PCDHGA12: variants seen among roughly 807,000 people sequenced by gnomAD.
The protein encoded by PCDHGA12 is protocadherin gamma-A12.
PCDHGA12 carries 43 observed loss-of-function variants against 61.1 expected under a neutral mutation model. The ratio of observed to expected loss-of-function variants is 0.70; its 90% CI spans 0.55 to 0.91. PCDHGA12 has a LOEUF of 0.91. Among genes scored for constraint, PCDHGA12 ranks in the 40% least tolerant of loss-of-function variants. The pLI is 0.00. For missense variants in PCDHGA12, 1,236 were observed against 1,227.7 expected (o/e 1.01, Z -0.10); for synonymous variants, 520 against 542.9 (o/e 0.96, Z 0.59).
rs748803155 is a variant in PCDHGA12, at chr5:141,490,087, G to C, written c.2425-4720G>C. ...CGGCCAACTAGACTATTCTTTTGGAGACCACACATCTGAGGCAGTGCGGAA... is the reference window on the plus strand; with the variant it reads ...CGGCCAACTAGACTATTCTTTTGGACACCACACATCTGAGGCAGTGCGGAA... On this transcript the variant is annotated intron_variant, in intron 1 of 3. Transcript: ENST00000252085. The surrounding 1 kb of genome is among the most constrained non-coding windows in gnomAD (Gnocchi z 5.4). 1.9e-6 allele frequency: 3 copies of C among 1,614,244 alleles called. No individual in the cohort carries two copies. Among genetic ancestry groups the C allele is most frequent in the Non-Finnish European group, 2.5e-6 (3 of 1,180,044 alleles).
At position 141,511,262 on chromosome 5, in the gene PCDHGA12, G is replaced by A; in HGVS notation, c.*89G>A. 1 of 1,556,036 alleles carries A rather than the reference G, an allele frequency of 6.4e-7. No individual in the cohort carries two copies. The highest frequency in any genetic ancestry group is 8.7e-7 in the Non-Finnish European group (1 of 1,150,444). On this transcript the variant is annotated 3_prime_UTR_variant, in exon 4 of 4. Transcript: ENST00000252085. ...TGCACCCAGGCCTCAGAGTTTCAGG[G>A]CTAACCCCCAGAATACTGGTAGGGG...
chr5:141,509,586 T>A (rs2154594569), intron 3 of PCDHGA12, among the ~76,000 whole-genome samples: 1 of 152,302 alleles, frequency 6.6e-6, no homozygotes, highest in East Asian at 1.9e-4. Flanking sequence ...ACAAATCAGC[T>A]GGCAATTCCG....
intron 1 of PCDHGA12, chr5:141,471,553 TG>T (rs1217142933): frequency 6.6e-6 from 1 of 152,224 alleles, no homozygotes; most frequent in African/African-American, 2.4e-5. Flanking sequence ...AAGGTTGCTT[TG>T]ACTCAGGGGT....
At chr5:141,507,797 C>A (rs933921827) in intron 3 of PCDHGA12, among the ~76,000 whole-genome samples, 1 of 152,240 alleles carries the variant, frequency 6.6e-6, no homozygotes, top group Admixed American at 6.5e-5. Context: ...TCTAAGCCTG[C>A]GCCCTGGGGA....
Position 141,485,804 on chromosome 5 carries a change from G to A in PCDHGA12, c.2425-9003G>A. 6.2e-7 allele frequency: 1 copy of A among 1,614,218 alleles called. No individual in the cohort carries two copies. On this transcript the variant is annotated intron_variant, in intron 1 of 3. Coordinates refer to ENST00000252085, the MANE Select transcript of PCDHGA12 (RefSeq NM_003735.3). This position sits in a 1 kb window ranked among gnomAD's most constrained non-coding sequence, Gnocchi z 5.7. The stretch of plus-strand genomic sequence containing the variant: ...AGAGAAGCAATCGGACTACCGCCTG[G>A]TGCTGACTGCTGTCGATGGAGGGAA...
chr5:141,470,837 G>A (rs932315417), intron 1 of PCDHGA12, among the ~76,000 whole-genome samples: 4 of 151,948 alleles, frequency 2.6e-5, no homozygotes, highest in Non-Finnish European at 4.4e-5. Flanking sequence ...ACAAACACAC[G>A]CCACCATGCT....
intron 2 of PCDHGA12, among the ~76,000 whole-genome samples, chr5:141,502,834 A>G (rs1398558120): frequency 6.7e-6 from 1 of 149,378 alleles, no homozygotes; most frequent in Non-Finnish European, 1.5e-5. Flanking sequence ...GGAAGCCTGG[A>G]CTGGCTGAGC....
chr5:141,481,691 C>G (rs929210528), intron 1 of PCDHGA12, among the ~76,000 whole-genome samples: 3 of 152,080 alleles, frequency 2.0e-5, no homozygotes, highest in African/African-American at 4.8e-5. Context: ...TGGTGGCTCA[C>G]GCCTGTAATC....
chr5:141,450,183 A>G (rs1461369835), intron 1 of PCDHGA12, among the ~76,000 whole-genome samples: 1 of 151,558 alleles, frequency 6.6e-6, no homozygotes, highest in Non-Finnish European at 1.5e-5. Context: ...ACACCCAGCT[A>G]ATTTTTGTAT....
chr5:141,458,409 G>A (rs188300064), intron 1 of PCDHGA12, among the ~76,000 whole-genome samples: 2 of 152,126 alleles, frequency 1.3e-5, no homozygotes, highest in East Asian at 1.9e-4. Context: ...GAGACGGAGC[G>A]GGGGTTCCAA....
Position 141,430,781 on chromosome 5 carries a change from C to A in PCDHGA12, c.22C>A (p.Arg8=). 1 of 1,510,922 alleles carries A rather than the reference C, an allele frequency of 6.6e-7. No homozygotes were observed. The highest frequency in any genetic ancestry group is 8.8e-7 in the Non-Finnish European group (1 of 1,130,982). 93.6% of individuals were successfully genotyped at this position (1,510,922 alleles called of 1,614,324 possible). Residue 8 remains arginine, a synonymous_variant, in exon 1 of 4, where the codon CGG becomes AGG. Coordinates refer to ENST00000252085, the MANE Select transcript of PCDHGA12 (RefSeq NM_003735.3). The part of the protein sequence containing the change: MIPARLH[R]DYKGLVLLGI... ...AAGAATGATTCCTGCGCGACTGCAC[C>A]GGGACTACAAAGGGCTTGTCCTGCT...
chr5:141,489,800 A>G lies in PCDHGA12; in HGVS notation c.2425-5007A>G. 6.2e-7 allele frequency: 1 copy of G among 1,614,166 alleles called. No homozygotes were observed. Among genetic ancestry groups the G allele is most frequent in the Non-Finnish European group, 8.5e-7 (1 of 1,179,994 alleles). On this transcript the variant is annotated intron_variant, in intron 1 of 3. Coordinates refer to ENST00000252085, the MANE Select transcript of PCDHGA12 (RefSeq NM_003735.3). This position sits in a 1 kb window ranked among gnomAD's most constrained non-coding sequence, Gnocchi z 4.5. ...TCTCTGAATGTGAAGACCCTAAAAG[A>G]TGGGAAGCCATTCCCAGAGCTGGTG...
In PCDHGA12 at chr5:141,485,629, C is replaced by G. The variant is rs1028146827; in HGVS notation, c.2425-9178C>G. The G allele has an allele frequency of 1.2e-6, 2 of 1,611,902 alleles. No individual in the cohort carries two copies. The highest frequency in any genetic ancestry group is 3.3e-5 in the Admixed American group (2 of 59,922). On this transcript the variant is annotated intron_variant, in intron 1 of 3. Coordinates refer to ENST00000252085, the MANE Select transcript of PCDHGA12 (RefSeq NM_003735.3). This position sits in a 1 kb window ranked among gnomAD's most constrained non-coding sequence, Gnocchi z 5.7. ...AGGCAGCTCCTCCAGGACAGCGTTTCCCGTTGGAAAAGGCTCAGGATGCAG... is the reference window on the plus strand; with the variant it reads ...AGGCAGCTCCTCCAGGACAGCGTTTGCCGTTGGAAAAGGCTCAGGATGCAG...
In PCDHGA12 at chr5:141,489,098, T is replaced by C; in HGVS notation, c.2425-5709T>C. 1 of 293,346 alleles carries C rather than the reference T, an allele frequency of 3.4e-6. No homozygotes were observed. The highest frequency in any genetic ancestry group is 5.5e-5 in the South Asian group (1 of 18,124). The allele number at this position is 293,346 out of a possible 1,614,324, so 18.2% of individuals were successfully genotyped here. A position where few individuals can be genotyped will look rare whatever the true frequency, so the allele number is the denominator to read the frequency against. ...CCCCCGCCACTCGGTGACTAAGAAC[T>C]GCTGCAAGCAGGCAAACCTCCGAGC... On this transcript the variant is annotated intron_variant, in intron 1 of 3. Transcript: ENST00000252085. The surrounding 1 kb of genome is among the most constrained non-coding windows in gnomAD (Gnocchi z 4.5).
At chr5:141,484,750 GTA>G (rs545232987) in intron 1 of PCDHGA12, among the ~76,000 whole-genome samples, 18 of 149,824 alleles carry the variant, frequency 1.2e-4, no homozygotes, top group Admixed American at 4.7e-4. Flanking sequence ...GAAAAAAAAT[GTA>G]TATATATATA....
chr5:141,454,625 C>G (rs1193628253), intron 1 of PCDHGA12, among the ~76,000 whole-genome samples: 1 of 151,512 alleles, frequency 6.6e-6, no homozygotes, highest in Admixed American at 6.6e-5. Context: ...AGGCTGGTCT[C>G]GAACCCCCAA....
Position 141,491,730 on chromosome 5 carries a change from C to A in PCDHGA12, c.2425-3077C>A, listed in dbSNP as rs1346666614. ...GGGGCTCGGCGCCGCCCCGGGCGAC[C>A]CCTGGGGGCGGCACTGGAGAAGCCG... On this transcript the variant is annotated intron_variant, in intron 1 of 3. Coordinates refer to ENST00000252085, the MANE Select transcript of PCDHGA12 (RefSeq NM_003735.3). This position sits in a 1 kb window ranked among gnomAD's most constrained non-coding sequence, Gnocchi z 6.9. 3.1e-6 allele frequency: 5 copies of A among 1,603,920 alleles called. No individual in the cohort carries two copies. The East Asian group carries it at 6.7e-5, about 22-fold the overall frequency.
intron 2 of PCDHGA12, among the ~76,000 whole-genome samples, chr5:141,504,280 C>T (rs1027657223): frequency 6.6e-6 from 1 of 152,076 alleles, no homozygotes; most frequent in Admixed American, 6.6e-5. Context: ...AATTATGAAT[C>T]ATTTCATGTT....
intron 1 of PCDHGA12, among the ~76,000 whole-genome samples, chr5:141,472,542 GA>G (rs904556404): frequency 1.6e-4 from 23 of 147,144 alleles, no homozygotes; most frequent in African/African-American, 4.2e-4. Context: ...ACCATCTCAA[GA>G]AAAAAAAAAT....
Sources: allele counts gnomAD v4.1 joint callset (sites outside exome capture counted in the v4.1 genomes callset), GRCh38; gene constraint gnomAD v4.1.1; non-coding constraint Gnocchi (gnomAD v3.1); transcripts MANE v1.5; gene names NCBI Gene and HGNC (gene_info 2026-07-23, HGNC 2026-07-21).